Variants in IQSEC1 observed in about 807,000 individuals in gnomAD.
The protein encoded by IQSEC1 is IQ motif and SEC7 domain-containing protein 1.
A neutral mutation model predicts 91.0 loss-of-function variants in IQSEC1; 31 were observed. The ratio of observed to expected loss-of-function variants is 0.34; its 90% CI spans 0.26 to 0.46. The LOEUF (loss-of-function observed/expected upper bound fraction) is 0.46, where lower values mean the gene tolerates loss of function less well. Among genes scored for constraint, IQSEC1 ranks in the 20% least tolerant of loss-of-function variants. IQSEC1 has a pLI of 1.00. For synonymous variants in IQSEC1, 699 were observed against 662.6 expected, an observed-to-expected ratio of 1.05 and a Z score of -0.84; for missense variants, 1,388 against 1,575.6, an observed-to-expected ratio of 0.88 and a Z score of 2.02.
At chr3:12,991,732 C>T (rs1702000271) in intron 1 of IQSEC1, among the ~76,000 whole-genome samples, 1 of 152,216 alleles carries the variant, frequency 6.6e-6, no homozygotes, top group Non-Finnish European at 1.5e-5. Context: ...ACCCCTTATA[C>T]CAATGGCTGA....
chr3:13,079,847 C>G (rs187715482), intron 2 of IQSEC1, among the ~76,000 whole-genome samples: 48 of 152,274 alleles, frequency 3.2e-4, no homozygotes, highest in Admixed American at 5.2e-4. Flanking sequence ...GTAGAACTGA[C>G]TGTTTCGATG....
intron 2 of IQSEC1, among the ~76,000 whole-genome samples, chr3:13,085,748 C>T (rs1053514722): frequency 6.6e-6 from 1 of 152,236 alleles, no homozygotes; most frequent in Non-Finnish European, 1.5e-5. Flanking sequence ...ACAGGAGGCC[C>T]GAGGCCACGT....
chr3:12,947,373 G>C (rs1386160531), intron 1 of IQSEC1, among the ~76,000 whole-genome samples: 2 of 152,124 alleles, frequency 1.3e-5, no homozygotes, highest in Admixed American at 1.3e-4. Flanking sequence ...CTCTATCCCA[G>C]GGCCATATGA....
At chr3:13,165,283 G>A (rs895366129) in intron 1 of IQSEC1, among the ~76,000 whole-genome samples, 2 of 152,086 alleles carry the variant, frequency 1.3e-5, no homozygotes, top group Non-Finnish European at 2.9e-5. Context: ...GGCAGCAGGT[G>A]AAGTGGTGAT....
intron 2 of IQSEC1, among the ~76,000 whole-genome samples, chr3:13,141,511 A>G (rs1369265712): frequency 6.6e-6 from 1 of 152,260 alleles, no homozygotes; most frequent in African/African-American, 2.4e-5. Context: ...GCAAAAAAGC[A>G]TGAGCTAAGT....
chr3:13,047,840 A>T (rs879333015), intron 1 of IQSEC1, among the ~76,000 whole-genome samples: 2 of 152,142 alleles, frequency 1.3e-5, no homozygotes, highest in Non-Finnish European at 2.9e-5. Context: ...GGCTGGACCC[A>T]GACTTAACCT....
chr3:12,911,805 T>C (rs2125094009), intron 9 of IQSEC1, 77 bp from the exon 10 acceptor site: 1 of 1,004,852 alleles, frequency 1.0e-6, no homozygotes. Context: ...GGTCAGAGGA[T>C]CCTCCTGGAG....
At chr3:12,981,999 G>T (rs1450336718) in intron 1 of IQSEC1, among the ~76,000 whole-genome samples, 2 of 152,246 alleles carry the variant, frequency 1.3e-5, no homozygotes, top group Non-Finnish European at 2.9e-5. Flanking sequence ...GCCCCAGATG[G>T]TTTCTGTGTG....
Position 13,259,654 on chromosome 3 carries a change from G to A in IQSEC1, c.272+23057C>T, listed in dbSNP as rs1695348188. On this transcript the variant is annotated intron_variant, in intron 1 of 15. Coordinates refer to the IQSEC1 transcript ENST00000648114. The surrounding 1 kb of genome is among the most constrained non-coding windows in gnomAD (Gnocchi z 4.6). The stretch of plus-strand genomic sequence containing the variant: ...GGCTGTTCGTTGCCATTCAAAACCA[G>A]CAGCTCCACAACCATCTCCTTGGGT... 6.6e-6 allele frequency among the ~76,000 whole-genome samples: 1 copy of A among 152,194 alleles called. No homozygotes were observed. Among genetic ancestry groups the A allele is most frequent in the Non-Finnish European group, 1.5e-5 (1 of 68,038 alleles).
In IQSEC1 at chr3:12,992,580, G is replaced by A. The variant is rs997678364; in HGVS notation, c.24-50715C>T. On this transcript the variant is annotated intron_variant, in intron 1 of 13. Coordinates refer to ENST00000613206, the MANE Select transcript of IQSEC1 (RefSeq NM_001134382.3). This position sits in a 1 kb window ranked among gnomAD's most constrained non-coding sequence, Gnocchi z 4.1. ...AGGCCAATGTGTCCACTGCCTGGTG[G>A]AGCCTGACCACAAAATGAAACGGTG... Among the ~76,000 whole-genome samples the A allele has an allele frequency of 1.3e-5, 2 of 152,180 alleles. No individual in the cohort carries two copies. Among genetic ancestry groups the A allele is most frequent in the African/African-American group, 2.4e-5 (1 of 41,438 alleles).
chr3:13,135,789 G>C (rs536725642), intron 2 of IQSEC1, among the ~76,000 whole-genome samples: 2 of 152,278 alleles, frequency 1.3e-5, no homozygotes, highest in South Asian at 2.1e-4. Flanking sequence ...AGGGCCTCTG[G>C]GTCAGCCAGC....
At chr3:12,998,580 G>C (rs573943293) in intron 1 of IQSEC1, among the ~76,000 whole-genome samples, 12 of 152,148 alleles carry the variant, frequency 7.9e-5, no homozygotes, top group African/African-American at 2.9e-4. Context: ...GAGGCCAAGA[G>C]TTCAAGAGCA....
In IQSEC1 at chr3:13,012,964, C is replaced by CTT. The variant is rs35541458; in HGVS notation, c.23+60026_23+60027dup. 5.1e-5 allele frequency among the ~76,000 whole-genome samples: 5 copies of CTT among 97,514 alleles called. No homozygotes were observed. In the South Asian group the frequency reaches 1.1e-3, roughly 21 times the overall value. 64.0% of individuals were successfully genotyped at this position (97,514 alleles called of 152,430 possible). A position where few individuals can be genotyped will look rare whatever the true frequency, so the allele number is the denominator to read the frequency against. Reference sequence around the variant, plus strand: ...ACAGAAACTCCCATGAAAGTCTGGGCTTTTTTTTTTTTTTTTGAGACAGTC... The same window carrying CTT: ...ACAGAAACTCCCATGAAAGTCTGGGCTTTTTTTTTTTTTTTTTTGAGACAGTC... On this transcript the variant is annotated intron_variant, in intron 1 of 13. Coordinates refer to ENST00000613206, the MANE Select transcript of IQSEC1 (RefSeq NM_001134382.3).
At chr3:13,157,473 G>A (rs1032483759) in intron 2 of IQSEC1, among the ~76,000 whole-genome samples, 3 of 152,172 alleles carry the variant, frequency 2.0e-5, no homozygotes, top group Non-Finnish European at 2.9e-5. Flanking sequence ...GGGTCTCAGG[G>A]ACCCACAATT....
At chr3:13,186,781 C>G (rs572870624) in intron 1 of IQSEC1, among the ~76,000 whole-genome samples, 1 of 152,224 alleles carries the variant, frequency 6.6e-6, no homozygotes, top group Admixed American at 6.5e-5. Flanking sequence ...GGACGGCGAC[C>G]CTTTGGCAGA....
At chr3:13,173,805 C>T (rs1252171984) in intron 1 of IQSEC1, among the ~76,000 whole-genome samples, 2 of 152,186 alleles carry the variant, frequency 1.3e-5, no homozygotes, top group Non-Finnish European at 2.9e-5. Flanking sequence ...GCCTGGGCAC[C>T]CACAGCATCA....
chr3:12,965,869 A>G (rs769375489), intron 1 of IQSEC1, among the ~76,000 whole-genome samples: 1 of 152,082 alleles, frequency 6.6e-6, no homozygotes, highest in East Asian at 1.9e-4. Flanking sequence ...TCCCCACTAG[A>G]CTGCTGGTTC....
In IQSEC1 at chr3:12,938,110, G is replaced by A. The variant is rs554217156; in HGVS notation, c.319-1413C>T. ...GCCAAGATAAGGAATTGGCTTCTCCGCCAAGCCAGGCCTCTTGGGGTGCTG... is the reference window on the plus strand; with the variant it reads ...GCCAAGATAAGGAATTGGCTTCTCCACCAAGCCAGGCCTCTTGGGGTGCTG... On this transcript the variant is annotated intron_variant, in intron 2 of 13. Coordinates refer to ENST00000613206, the MANE Select transcript of IQSEC1 (RefSeq NM_001134382.3). Among the ~76,000 whole-genome samples, 100 of 152,328 alleles carry A rather than the reference G, an allele frequency of 6.6e-4. No homozygotes were observed. In the Middle Eastern group the frequency reaches 0.01, roughly 16 times the overall value.
chr3:13,275,895 G>A lies in IQSEC1; in HGVS notation c.272+6816C>T, dbSNP rs189325221. Among the ~76,000 whole-genome samples, 554 of 152,300 alleles carry A rather than the reference G, an allele frequency of 3.6e-3. 2 individuals carry two copies. The highest frequency in any genetic ancestry group is 0.012 in the African/African-American group (514 of 41,568). On this transcript the variant is annotated intron_variant, in intron 1 of 15. Transcript: ENST00000648114. ...CACAGCAGGCGCTCTACCGATGTGA[G>A]CTCCCCATCCACAGAGTTCCAGAAC...
Sources: gnomAD v4.1 joint callset for allele counts (sites outside exome capture counted in the v4.1 genomes callset) on GRCh38, gnomAD v4.1.1 for gene constraint, Gnocchi (gnomAD v3.1) non-coding constraint, MANE v1.5 for transcripts, NCBI Gene and HGNC (gene_info 2026-07-23, HGNC 2026-07-21) for gene names.